The following ZC3H12B variants were observed in gnomAD, a reference collection of about 807,000 sequenced individuals.
ZC3H12B encodes zinc finger CCCH-type containing 12B.
A neutral mutation model predicts 43.9 loss-of-function variants in ZC3H12B; 7 were observed. The observed-to-expected ratio is 0.16, with a 90% CI of 0.09 to 0.30. ZC3H12B has a LOEUF of 0.30. Among genes scored for constraint, ZC3H12B ranks in the 10% least tolerant of loss-of-function variants. The probability of loss-of-function intolerance (pLI) is 1.00; values close to 1 mark genes in which losing one functional copy is unlikely to be tolerated. For synonymous variants in ZC3H12B, 222 were observed against 241.7 expected (o/e 0.92, Z 0.76); for missense variants, 475 against 670.2 (o/e 0.71, Z 3.22).
At chrX:65,162,391 C>G in the ZC3H12B span, among the ~76,000 whole-genome samples, 4 of 112,192 alleles carry the variant, frequency 3.6e-5, no homozygotes, top group African/African-American at 9.7e-5. Flanking sequence ...CTCCCCATCA[C>G]TTTCAGTTAC....
At chrX:65,140,058 C>T in the ZC3H12B span, among the ~76,000 whole-genome samples, 22 of 110,638 alleles carry the variant, frequency 2.0e-4, no homozygotes, top group Non-Finnish European at 3.8e-5. Flanking sequence ...TAGCTTCTTT[C>T]TTTCCAATTT....
chrX:65,173,437 A>C, the ZC3H12B span, among the ~76,000 whole-genome samples: 1 of 111,488 alleles, frequency 9.0e-6, no homozygotes, highest in African/African-American at 3.3e-5. Context: ...TGATTGTGCT[A>C]GTCAGAACTT....
the ZC3H12B span, among the ~76,000 whole-genome samples, chrX:65,078,305 T>A: frequency 8.9e-6 from 1 of 112,436 alleles, no homozygotes; most frequent in Non-Finnish European, 1.9e-5. Context: ...TAAATACAGC[T>A]GTGAGACTCA....
At chrX:65,255,288 G>T in the ZC3H12B span, among the ~76,000 whole-genome samples, 1 of 111,496 alleles carries the variant, frequency 9.0e-6, no homozygotes, top group African/African-American at 3.3e-5. Context: ...AAGAAAAAAC[G>T]TTAAGTCAGC....
At chrX:65,090,079 C>A in the ZC3H12B span, among the ~76,000 whole-genome samples, 1 of 112,106 alleles carries the variant, frequency 8.9e-6, no homozygotes, top group Non-Finnish European at 1.9e-5. Flanking sequence ...TAGTAACAGT[C>A]ATTTATTATT....
At chrX:65,298,401 T>A in the ZC3H12B span, among the ~76,000 whole-genome samples, 1 of 111,828 alleles carries the variant, frequency 8.9e-6, no homozygotes, top group Non-Finnish European at 1.9e-5. Flanking sequence ...AAAGAAGTGA[T>A]TAGAGGGAAA....
chrX:65,343,065 G>GA, the ZC3H12B span, among the ~76,000 whole-genome samples: 4 of 110,844 alleles, frequency 3.6e-5, no homozygotes, highest in East Asian at 2.8e-4. Context: ...AGAAAATCTA[G>GA]AAAAAATGGA....
the ZC3H12B span, among the ~76,000 whole-genome samples, chrX:65,351,398 T>C: frequency 8.9e-6 from 1 of 111,993 alleles, no homozygotes; most frequent in Non-Finnish European, 1.9e-5. Flanking sequence ...ATTCAGGACA[T>C]AGGCATGGGC....
the ZC3H12B span, among the ~76,000 whole-genome samples, chrX:65,158,734 C>A: frequency 1.8e-5 from 2 of 111,707 alleles, no homozygotes; most frequent in Admixed American, 1.9e-4. Flanking sequence ...CCTGTTCACT[C>A]TGATGGTAGT....
At chrX:65,276,231 T>C in the ZC3H12B span, among the ~76,000 whole-genome samples, 1 of 111,611 alleles carries the variant, frequency 9.0e-6, no homozygotes, top group African/African-American at 3.3e-5. Flanking sequence ...ATTTGTATTA[T>C]GGGTGTTTCA....
At chrX:65,037,669 T>G in the ZC3H12B span, among the ~76,000 whole-genome samples, 1 of 111,334 alleles carries the variant, frequency 9.0e-6, no homozygotes, top group African/African-American at 3.3e-5. Flanking sequence ...TAAGAGACAG[T>G]TATATTCTAA....
chrX:65,459,159 G>T (rs1307010611), intron 3 of ZC3H12B, among the ~76,000 whole-genome samples: 1 of 111,773 alleles, frequency 8.9e-6, no homozygotes, highest in Non-Finnish European at 1.9e-5. Flanking sequence ...ACTAAACCAG[G>T]AAGAAGTTGA....
intron 1 of ZC3H12B, among the ~76,000 whole-genome samples, chrX:65,494,331 C>T (rs2068247022): frequency 1.8e-5 from 2 of 110,614 alleles, no homozygotes; most frequent in Admixed American, 2.0e-4. Flanking sequence ...ACTGTGACCT[C>T]AAACTCCTGG....
At chrX:65,201,959 C>T in the ZC3H12B span, among the ~76,000 whole-genome samples, 29 of 102,203 alleles carry the variant, frequency 2.8e-4, 1 homozygote, top group East Asian at 3.0e-4. Context: ...TGCCTTCCAC[C>T]ATGATTGCAA....
upstream of ZC3H12B, among the ~76,000 whole-genome samples, chrX:65,487,374 C>G (rs775675634): frequency 1.6e-4 from 18 of 111,677 alleles, no homozygotes; most frequent in East Asian, 4.8e-3. Flanking sequence ...AACCTCATCT[C>G]TACTAAAAAT....
chrX:65,287,138 C>T, the ZC3H12B span, among the ~76,000 whole-genome samples: 12 of 110,746 alleles, frequency 1.1e-4, no homozygotes, highest in African/African-American at 3.9e-4. Flanking sequence ...CTAGACAGAA[C>T]ATCAATAAGA....
chrX:65,235,828 G>A, the ZC3H12B span, among the ~76,000 whole-genome samples: 39 of 111,867 alleles, frequency 3.5e-4, no homozygotes, highest in Middle Eastern at 4.6e-3. Context: ...AAGTGGTACC[G>A]TGTTACCTCA....
At chrX:65,153,303 AG>A in the ZC3H12B span, among the ~76,000 whole-genome samples, 1 of 112,145 alleles carries the variant, frequency 8.9e-6, no homozygotes, top group Non-Finnish European at 1.9e-5. Context: ...GGCAACCTAC[AG>A]AATGGGAGAA....
At chrX:65,053,438 C>T in the ZC3H12B span, among the ~76,000 whole-genome samples, 155 of 111,501 alleles carry the variant, frequency 1.4e-3, no homozygotes, top group Non-Finnish European at 2.4e-3. Flanking sequence ...GACATGAACT[C>T]ATCACTTTTT....
Sources: gnomAD v4.1 joint callset for allele counts (sites outside exome capture counted in the v4.1 genomes callset) on GRCh38, gnomAD v4.1.1 for gene constraint, MANE v1.5 for transcripts, NCBI Gene and HGNC (gene_info 2026-07-23, HGNC 2026-07-21) for gene names.